CFAP46: variants seen among roughly 807,000 people sequenced by gnomAD.
The protein encoded by CFAP46 is cilia- and flagella-associated protein 46.
CFAP46 carries 245 observed loss-of-function variants against 325.7 expected under a neutral mutation model. That is an observed-to-expected ratio of 0.75 (90% CI 0.68 to 0.84). The LOEUF (loss-of-function observed/expected upper bound fraction) is 0.84, where lower values mean the gene tolerates loss of function less well. Ranked by LOEUF, CFAP46 falls within the 40% of genes least tolerant of loss-of-function variation. CFAP46 has a pLI of 0.00. For synonymous variants in CFAP46, 1,523 were observed against 1,495.9 expected, an observed-to-expected ratio of 1.02 and a Z score of -0.42; for missense variants, 3,346 against 3,543.0, an observed-to-expected ratio of 0.94 and a Z score of 1.41.
intron 19 of CFAP46, among the ~76,000 whole-genome samples, chr10:132,910,905 G>A (rs1051770517): frequency 6.6e-6 from 1 of 152,192 alleles, no homozygotes; most frequent in African/African-American, 2.4e-5. Context: ...CTCCCCGTGC[G>A]GTTGTGCACA....
chr10:132,819,523 GT>G (rs1301056394), intron 50 of CFAP46, among the ~76,000 whole-genome samples: 2 of 152,212 alleles, frequency 1.3e-5, no homozygotes, highest in African/African-American at 2.4e-5. Context: ...AAACAATGTG[GT>G]ACTGGTATAA....
In CFAP46 at chr10:132,823,931, ATGTGTGCTG is replaced by A. The variant is rs2134903636; in HGVS notation, c.7118-9026_7118-9018del. ...TGAGCGCTGATGTGTGTGTGTGCTG[ATGTGTGCTG>A]TGTGTGCAGTGATGTGTGCTGTGTG... On this transcript the variant is annotated intron_variant, in intron 50 of 57. Coordinates refer to ENST00000368586, the MANE Select transcript of CFAP46 (RefSeq NM_001200049.3). 1.7e-5 allele frequency among the ~76,000 whole-genome samples: 2 copies of A among 115,022 alleles called. 1 individual carries two copies. The highest frequency in any genetic ancestry group is 7.1e-5 in the African/African-American group (2 of 28,300). 75.5% of individuals were successfully genotyped at this position (115,022 alleles called of 152,430 possible).
intron 50 of CFAP46, among the ~76,000 whole-genome samples, chr10:132,822,342 G>A (rs1395548609): frequency 1.5e-5 from 2 of 130,444 alleles, no homozygotes; most frequent in African/African-American, 2.9e-5. Flanking sequence ...TGTGTGTGTG[G>A]TGATGTGTGC....
At chr10:132,881,149 A>G (rs1484364219) in intron 27 of CFAP46, 117 bp from the exon 28 acceptor site, 3 of 1,024,262 alleles carry the variant, frequency 2.9e-6, no homozygotes, top group African/African-American at 3.2e-5. Context: ...TTACCCCCAC[A>G]GTGATCATTT....
intron 35 of CFAP46, among the ~76,000 whole-genome samples, chr10:132,865,797 G>A (rs887647420): frequency 2.0e-5 from 3 of 152,226 alleles, no homozygotes; most frequent in Non-Finnish European, 4.4e-5. Flanking sequence ...ACCAACAGCA[G>A]GTACTGGAAA....
At chr10:132,860,611 C>A in intron 36 of CFAP46, 88 bp from the exon 37 acceptor site, 2 of 1,211,756 alleles carry the variant, frequency 1.7e-6, no homozygotes, top group South Asian at 1.3e-5. Flanking sequence ...GGGACAGATA[C>A]GGGCCTGAGG....
rs1849911560 is a variant in CFAP46 at position 132,931,825 on chromosome 10, T to TC, written c.867-2022dup. On this transcript the variant is annotated intron_variant, in intron 8 of 57. Coordinates refer to ENST00000368586, the MANE Select transcript of CFAP46 (RefSeq NM_001200049.3). ...TCCCCACACAGAGCCTGGGCCTTCC[T>TC]CTTCCCCACACAGAGCCTGGGCCTC... Among the ~76,000 whole-genome samples the TC allele has an allele frequency of 1.3e-4, 14 of 106,886 alleles. No individual in the cohort carries two copies. In the South Asian group the frequency reaches 4.8e-3, roughly 37 times the overall value. The allele number at this position is 106,886 out of a possible 152,430, so 70.1% of individuals were successfully genotyped here.
chr10:132,885,282 T>A lies in CFAP46; in HGVS notation c.3448A>T (p.Ile1150Phe), dbSNP rs562655191. Reference sequence around the variant, plus strand: ...TTCACGATGACCATGTGCTTGAAGATCAAGCTAAAGAAAGGGAAGGTGAGA... The same window carrying A: ...TTCACGATGACCATGTGCTTGAAGAACAAGCTAAAGAAAGGGAAGGTGAGA... ...VLPRTAHRLL[I>F]FKHMVIVKAK... The change falls in exon 27 of 58, where the codon ATC (isoleucine) becomes TTC (phenylalanine). Residue 1150 changes from isoleucine (I) to phenylalanine (F), a missense_variant. By Grantham distance (21) the Ile-to-Phe change is conservative (BLOSUM62 0). Coordinates refer to ENST00000368586, the MANE Select transcript of CFAP46 (RefSeq NM_001200049.3). 6.5e-7 allele frequency: 1 copy of A among 1,543,994 alleles called. No homozygotes were observed. The highest frequency in any genetic ancestry group is 2.0e-5 in the Admixed American group (1 of 50,462).
intron 24 of CFAP46, 24 bp downstream of exon 24, chr10:132,898,935 G>A (rs1406124008): frequency 4.5e-6 from 7 of 1,550,204 alleles, no homozygotes; most frequent in Admixed American, 3.9e-5. Context: ...TGGGAGTCAG[G>A]AGCCCCCTCC....
intron 17 of CFAP46, among the ~76,000 whole-genome samples, chr10:132,914,027 G>A (rs1374617842): frequency 2.6e-5 from 4 of 151,062 alleles, no homozygotes; most frequent in African/African-American, 9.8e-5. Context: ...TCTGGCCCCC[G>A]CCCCGAGGCT....
At chr10:132,844,484 TG>T (rs1210827857) in intron 44 of CFAP46, among the ~76,000 whole-genome samples, 4 of 152,186 alleles carry the variant, frequency 2.6e-5, no homozygotes, top group African/African-American at 7.2e-5. Context: ...GCTGCTGCGG[TG>T]GGCCTGCTGT....
chr10:132,842,721 G>C (rs1270957986), intron 44 of CFAP46, among the ~76,000 whole-genome samples: 1 of 152,210 alleles, frequency 6.6e-6, no homozygotes, highest in Non-Finnish European at 1.5e-5. Context: ...TGGAGGCTGA[G>C]AAGTCCAAGG....
chr10:132,834,992 G>A lies in CFAP46; in HGVS notation c.6745-217C>T, dbSNP rs372016868. On this transcript the variant is annotated intron_variant, in intron 47 of 57. Transcript: ENST00000368586. ...CAGCCCCCACCCATCTCCTCTGCCC[G>A]CACCACGGAGGGTCCTGCCTGTGGG... Among the ~76,000 whole-genome samples the A allele has an allele frequency of 7.2e-5, 11 of 152,344 alleles. No individual in the cohort carries two copies. The East Asian group carries it at 1.4e-3, about 19-fold the overall frequency.
At chr10:132,851,345 T>C in intron 39 of CFAP46, 40 bp from the exon 40 acceptor site, 1 of 1,583,626 alleles carries the variant, frequency 6.3e-7, no homozygotes, top group South Asian at 1.1e-5. Flanking sequence ...TGGAAGCTTC[T>C]GGTAAGCCTG....
chr10:132,910,118 C>A (rs1256929737), intron 19 of CFAP46, 50 bp from the exon 20 acceptor site: 11 of 1,348,124 alleles, frequency 8.2e-6, no homozygotes, highest in East Asian at 3.0e-5. Context: ...AAACAGGGGA[C>A]CTTGAGCCAA....
chr10:132,818,870 G>GA (rs1195269092), intron 50 of CFAP46, among the ~76,000 whole-genome samples: 6 of 145,770 alleles, frequency 4.1e-5, no homozygotes, highest in Non-Finnish European at 3.0e-5. Context: ...AAAAAAAAAA[G>GA]AAAAAAAAGA....
Position 132,861,146 on chromosome 10 carries a change from G to A in CFAP46, c.4891-164C>T, listed in dbSNP as rs977738652. Among the ~76,000 whole-genome samples the A allele has an allele frequency of 1.2e-4, 19 of 152,304 alleles. No homozygotes were observed. The Middle Eastern group carries it at 0.01, about 82-fold the overall frequency. On this transcript the variant is annotated intron_variant, in intron 35 of 57. Coordinates refer to ENST00000368586, the MANE Select transcript of CFAP46 (RefSeq NM_001200049.3). Reference sequence around the variant, plus strand: ...CTGCTCACTCTGGCAGTGGAAGGGTGGGGCCCATGGCCGCCCTCGCACTCC... The same window carrying A: ...CTGCTCACTCTGGCAGTGGAAGGGTAGGGCCCATGGCCGCCCTCGCACTCC...
Position 132,884,315 on chromosome 10 carries a change from A to T in CFAP46, c.3627+788T>A, listed in dbSNP as rs1849090213. Reference sequence around the variant, plus strand: ...TGATCACCCAGTGCCCTGAGCCGGCACTCACACAGCACCGTCAGAGACCCC... The same window carrying T: ...TGATCACCCAGTGCCCTGAGCCGGCTCTCACACAGCACCGTCAGAGACCCC... On this transcript the variant is annotated intron_variant, in intron 27 of 57. Coordinates refer to ENST00000368586, the MANE Select transcript of CFAP46 (RefSeq NM_001200049.3). This position sits in a 1 kb window ranked among gnomAD's most constrained non-coding sequence, Gnocchi z 5.4. Among the ~76,000 whole-genome samples, 1 of 152,038 alleles carries T rather than the reference A, an allele frequency of 6.6e-6. No homozygotes were observed. Among genetic ancestry groups the T allele is most frequent in the Non-Finnish European group, 1.5e-5 (1 of 68,006 alleles).
intron 46 of CFAP46, 86 bp downstream of exon 46, chr10:132,836,056 C>T (rs1032224274): frequency 5.6e-6 from 4 of 709,338 alleles, no homozygotes; most frequent in African/African-American, 5.0e-5. Flanking sequence ...ACCTCCCCCT[C>T]CCGACACAGC....
Sources: gnomAD v4.1 joint callset for allele counts (sites outside exome capture counted in the v4.1 genomes callset) on GRCh38, gnomAD v4.1.1 for gene constraint, Gnocchi (gnomAD v3.1) non-coding constraint, MANE v1.5 for transcripts, NCBI Gene and HGNC (gene_info 2026-07-23, HGNC 2026-07-21) for gene names.